The following PPP4R3B variants were observed in gnomAD, a reference collection of about 807,000 sequenced individuals.
PPP4R3B encodes protein phosphatase 4 regulatory subunit 3B.
In PPP4R3B, 52 loss-of-function variants were observed where a neutral mutation model predicts 95.4. That is an observed-to-expected ratio of 0.54 (90% CI 0.44 to 0.69). The LOEUF (loss-of-function observed/expected upper bound fraction) is 0.69, where lower values mean the gene tolerates loss of function less well. Ranked by LOEUF, PPP4R3B falls within the 30% of genes least tolerant of loss-of-function variation. PPP4R3B has a pLI of 0.00. For missense variants in PPP4R3B, 1,003 were observed against 1,005.9 expected, an observed-to-expected ratio of 1.00 and a Z score of 0.04; for synonymous variants, 407 against 343.9, an observed-to-expected ratio of 1.18 and a Z score of -2.03.
At chr2:55,568,632 T>C (rs143389285) in intron 12 of PPP4R3B, among the ~76,000 whole-genome samples, 15 of 152,274 alleles carry the variant, frequency 9.9e-5, no homozygotes, top group African/African-American at 3.4e-4. Flanking sequence ...AAAACAGTAA[T>C]TGGAATCTAG....
At chr2:55,550,696 A>G (rs1176975004) in intron 16 of PPP4R3B, among the ~76,000 whole-genome samples, 1 of 152,222 alleles carries the variant, frequency 6.6e-6, no homozygotes, top group Non-Finnish European at 1.5e-5. Context: ...CTTATGTCCT[A>G]TAGGTTAAGA....
At chr2:55,604,296 A>G (rs768672283) in intron 2 of PPP4R3B, among the ~76,000 whole-genome samples, 8 of 152,184 alleles carry the variant, frequency 5.3e-5, no homozygotes, top group Non-Finnish European at 1.0e-4. Flanking sequence ...AAAAAATATT[A>G]AAACAGGCTA....
At chr2:55,583,472 A>G (rs916811943) in intron 7 of PPP4R3B, among the ~76,000 whole-genome samples, 1 of 152,220 alleles carries the variant, frequency 6.6e-6, no homozygotes, top group African/African-American at 2.4e-5. Context: ...TAATTAAAAC[A>G]GGAATCAAAG....
intron 4 of PPP4R3B, among the ~76,000 whole-genome samples, chr2:55,594,060 G>A (rs1691412147): frequency 6.6e-6 from 1 of 152,138 alleles, no homozygotes; most frequent in African/African-American, 2.4e-5. Context: ...GAACTCAGAG[G>A]CAGAAAATCA....
intron 9 of PPP4R3B, among the ~76,000 whole-genome samples, 162 bp from the exon 10 acceptor site, chr2:55,578,504 G>C (rs1688997742): frequency 6.6e-6 from 1 of 151,982 alleles, no homozygotes; most frequent in South Asian, 2.1e-4. Flanking sequence ...CATTCTGCAA[G>C]AAAACCCTCT....
chr2:55,581,055 C>G (rs978891521), intron 8 of PPP4R3B, among the ~76,000 whole-genome samples: 1 of 152,040 alleles, frequency 6.6e-6, no homozygotes, highest in Non-Finnish European at 1.5e-5. Flanking sequence ...GGGTTCAAGA[C>G]CAGCCTGACC....
intron 16 of PPP4R3B, among the ~76,000 whole-genome samples, chr2:55,550,323 A>C (rs535452432): frequency 2.2e-4 from 33 of 152,304 alleles, no homozygotes; most frequent in African/African-American, 7.5e-4. Context: ...AACATTTGGA[A>C]GCTGGAAAGG....
chr2:55,605,975 TA>T (rs1693334991), intron 2 of PPP4R3B, among the ~76,000 whole-genome samples: 1 of 151,492 alleles, frequency 6.6e-6, no homozygotes, highest in Non-Finnish European at 1.5e-5. Context: ...AACCTTTTTT[TA>T]AAAAAACCAG....
chr2:55,583,894 T>C (rs1689752270), intron 7 of PPP4R3B, among the ~76,000 whole-genome samples: 1 of 152,162 alleles, frequency 6.6e-6, no homozygotes, highest in Admixed American at 6.5e-5. Context: ...CAAATTAAAA[T>C]TGAGAATCAA....
In PPP4R3B at chr2:55,574,296, A is replaced by G. The variant is rs762117857; in HGVS notation, c.1607-519T>C. ...TATCAGTTTTACCTACTAGATAACT[A>G]AGACTTATATTTGCATAAAATATGA... On this transcript the variant is annotated intron_variant, in intron 11 of 16. Coordinates refer to ENST00000616407, the MANE Select transcript of PPP4R3B (RefSeq NM_001122964.3). Among the ~76,000 whole-genome samples, 6 of 151,792 alleles carry G rather than the reference A, an allele frequency of 4.0e-5. No homozygotes were observed. The South Asian group carries it at 6.3e-4, about 16-fold the overall frequency.
In PPP4R3B at chr2:55,558,952, G is replaced by C. The variant is rs758601168; in HGVS notation, c.2277C>G (p.Asp759Glu). ...ATGTCCTTTTGGGAAGGTTTTCCTTGTCTTCACTTTCTTTTGCTAAAGCAA... is the reference window on the plus strand; with the variant it reads ...ATGTCCTTTTGGGAAGGTTTTCCTTCTCTTCACTTTCTTTTGCTAAAGCAA... ...METKKAKESE[D>E]KENLPKRTSP... The change falls in exon 16 of 17, where the codon GAC becomes GAG. Residue 759 changes from aspartate (D) to glutamate (E), a missense_variant. Asp to Glu is a conservative substitution (Grantham distance 45). Around this residue, in one of 3 missense-constraint regions of PPP4R3B, gnomAD observed 229 missense variants for 194.7 expected, o/e 1.18. Coordinates refer to ENST00000616407, the MANE Select transcript of PPP4R3B (RefSeq NM_001122964.3). 5 of 1,607,642 alleles carry C rather than the reference G, an allele frequency of 3.1e-6. No homozygotes were observed. The highest frequency in any genetic ancestry group is 4.2e-6 in the Non-Finnish European group (5 of 1,177,710).
Position 55,549,646 on chromosome 2 carries a change from G to T in PPP4R3B, c.*265C>A. 1 of 397,512 alleles carries T rather than the reference G, an allele frequency of 2.5e-6. No individual in the cohort carries two copies. Among genetic ancestry groups the T allele is most frequent in the Non-Finnish European group, 4.5e-6 (1 of 223,092 alleles). The allele number at this position is 397,512 out of a possible 1,614,324, so 24.6% of individuals were successfully genotyped here. On this transcript the variant is annotated 3_prime_UTR_variant, in exon 17 of 17. Coordinates refer to ENST00000616407, the MANE Select transcript of PPP4R3B (RefSeq NM_001122964.3). ...GTCCCCAAACCTGTGACTTTTCCTTGCTGAGAAGCTGTCTCCCAGGTTCTG... is the reference window on the plus strand; with the variant it reads ...GTCCCCAAACCTGTGACTTTTCCTTTCTGAGAAGCTGTCTCCCAGGTTCTG...
At chr2:55,615,570 T>A in intron 1 of PPP4R3B, 64 bp from the exon 2 acceptor site, 1 of 1,247,924 alleles carries the variant, frequency 8.0e-7, no homozygotes, top group South Asian at 1.3e-5. Context: ...AAAATTAGAA[T>A]ACACATTAAA....
At chr2:55,582,409 A>G (rs1689566453) in intron 7 of PPP4R3B, among the ~76,000 whole-genome samples, 1 of 152,188 alleles carries the variant, frequency 6.6e-6, no homozygotes, top group Non-Finnish European at 1.5e-5. Flanking sequence ...ATGAGCCACC[A>G]TGCCTGACTA....
chr2:55,560,778 G>GAAAAA (rs545517387), intron 15 of PPP4R3B, among the ~76,000 whole-genome samples: 2 of 91,418 alleles, frequency 2.2e-5, no homozygotes, highest in East Asian at 6.5e-4. Context: ...CTCCATCTCA[G>GAAAAA]AAAAAAAAAA....
chr2:55,596,928 C>T (rs1354271793), intron 4 of PPP4R3B, among the ~76,000 whole-genome samples: 1 of 152,178 alleles, frequency 6.6e-6, no homozygotes, highest in African/African-American at 2.4e-5. Context: ...CACACCATTG[C>T]ACTCCAGCTT....
At chr2:55,553,057 C>T (rs1369176462) in intron 16 of PPP4R3B, among the ~76,000 whole-genome samples, 1 of 152,146 alleles carries the variant, frequency 6.6e-6, no homozygotes, top group African/African-American at 2.4e-5. Context: ...ATTTCTGTTC[C>T]TCCACCATCA....
Position 55,549,886 on chromosome 2 carries a change from T to A in PPP4R3B, c.*25A>T. 1 of 1,537,818 alleles carries A rather than the reference T, an allele frequency of 6.5e-7. No homozygotes were observed. Among genetic ancestry groups the A allele is most frequent in the South Asian group, 1.1e-5 (1 of 89,410 alleles). On this transcript the variant is annotated 3_prime_UTR_variant, in exon 17 of 17. Coordinates refer to ENST00000616407, the MANE Select transcript of PPP4R3B (RefSeq NM_001122964.3). ...ACAGTTGCAGCATTGTAAGACCACA[T>A]GTTGAGGGTCCCCTAATAAATATTT...
intron 2 of PPP4R3B, among the ~76,000 whole-genome samples, chr2:55,604,519 T>G (rs1693107100): frequency 6.6e-6 from 1 of 151,968 alleles, no homozygotes; most frequent in African/African-American, 2.4e-5. Flanking sequence ...ACTCTATTTT[T>G]GCCTTTTTTT....
Sources: allele counts gnomAD v4.1 joint callset (sites outside exome capture counted in the v4.1 genomes callset), GRCh38; gene constraint gnomAD v4.1.1; regional missense constraint gnomAD v4.1.1; transcripts MANE v1.5; gene names NCBI Gene and HGNC (gene_info 2026-07-23, HGNC 2026-07-21).